CSMD1: variants seen among roughly 807,000 people sequenced by gnomAD.
The protein encoded by CSMD1 is CUB and Sushi multiple domains 1, also known as CUB and sushi domain-containing protein 1.
Under a neutral mutation model 417.5 loss-of-function variants are expected in CSMD1, and 213 were observed. The observed-to-expected ratio is 0.51, with a 90% CI of 0.46 to 0.57. CSMD1 has a LOEUF of 0.57. Among genes scored for constraint, CSMD1 ranks in the 20% least tolerant of loss-of-function variants. The pLI, the probability that CSMD1 is intolerant of heterozygous loss-of-function variation, is 0.00. For synonymous variants in CSMD1, 2,862 were observed against 1,736.8 expected (o/e 1.65, Z -16.11); for missense variants, 6,923 against 4,529.7 (o/e 1.53, Z -15.17).
At chr8:4,643,838 G>C (rs936554496) in intron 1 of CSMD1, among the ~76,000 whole-genome samples, 2 of 152,150 alleles carry the variant, frequency 1.3e-5, no homozygotes, top group East Asian at 1.9e-4. Flanking sequence ...CGGGGACTTC[G>C]ATTAAGGGTT....
At chr8:4,540,361 C>G (rs1469940779) in intron 2 of CSMD1, among the ~76,000 whole-genome samples, 2 of 152,060 alleles carry the variant, frequency 1.3e-5, no homozygotes, top group Non-Finnish European at 2.9e-5. Context: ...TCCCCCAAAA[C>G]TGGTGAAATA....
At chr8:4,119,426 T>C (rs1474328765) in intron 3 of CSMD1, among the ~76,000 whole-genome samples, 1 of 152,324 alleles carries the variant, frequency 6.6e-6, no homozygotes, top group South Asian at 2.1e-4. Flanking sequence ...AGTCACAGGA[T>C]GATATTGATG....
At chr8:4,228,609 A>C (rs1195675899) in intron 3 of CSMD1, among the ~76,000 whole-genome samples, 8 of 102,540 alleles carry the variant, frequency 7.8e-5, no homozygotes, top group Admixed American at 9.8e-5. Context: ...TTTTTTTCCT[A>C]CCCTCACTTC....
intron 11 of CSMD1, among the ~76,000 whole-genome samples, chr8:3,480,434 A>C (rs1340458927): frequency 6.6e-6 from 1 of 152,000 alleles, no homozygotes; most frequent in Non-Finnish European, 1.5e-5. Flanking sequence ...AAAACAAAAC[A>C]AATACACATA....
chr8:3,882,852 G>A (rs1417181555), intron 5 of CSMD1, among the ~76,000 whole-genome samples: 1 of 152,158 alleles, frequency 6.6e-6, no homozygotes, highest in Non-Finnish European at 1.5e-5. Context: ...CAGAAGCCAA[G>A]AGAATGGCTA....
At chr8:3,547,684 G>C (rs922516359) in intron 10 of CSMD1, among the ~76,000 whole-genome samples, 3 of 152,050 alleles carry the variant, frequency 2.0e-5, no homozygotes, top group Admixed American at 6.6e-5. Context: ...CCTTTCTTTG[G>C]AGTTAAATCT....
chr8:4,761,358 A>C (rs1404479736), intron 1 of CSMD1, among the ~76,000 whole-genome samples: 1 of 144,466 alleles, frequency 6.9e-6, no homozygotes, highest in African/African-American at 2.6e-5. Flanking sequence ...TACATCTTGA[A>C]ATCGTGTTAC....
chr8:4,064,865 A>ATG (rs1799163941), intron 3 of CSMD1, among the ~76,000 whole-genome samples: 1 of 152,078 alleles, frequency 6.6e-6, no homozygotes, highest in Non-Finnish European at 1.5e-5. Context: ...TGTGTTTGTA[A>ATG]TGTGTGTATC....
At chr8:4,146,877 C>T (rs1326748546) in intron 3 of CSMD1, among the ~76,000 whole-genome samples, 3 of 144,754 alleles carry the variant, frequency 2.1e-5, no homozygotes, top group South Asian at 2.1e-4. Flanking sequence ...CCCAAAGTGC[C>T]GGCGTGATTA....
chr8:3,013,890 G>A (rs1012577022), intron 52 of CSMD1, among the ~76,000 whole-genome samples: 4 of 152,080 alleles, frequency 2.6e-5, no homozygotes, highest in Admixed American at 1.3e-4. Flanking sequence ...ATTCCTGGGC[G>A]AACAGAGGAT....
In CSMD1 at chr8:3,199,727, G is replaced by C. The variant is rs751770464; in HGVS notation, c.5181C>G (p.His1727Gln). The change falls in exon 33 of 70, where the codon CAC (histidine) becomes CAG (glutamine). Residue 1727 changes from histidine to glutamine, a missense_variant. Coordinates refer to ENST00000635120, the MANE Select transcript of CSMD1 (RefSeq NM_033225.6). ...AGTGACGCTTACCTTGATACACGAA[G>C]TGGAAGCCGCGGGCAGAGGCACCGC... ...AKSGASARGFHFVYQAVPRTS... is the reference protein window; with the variant it reads ...AKSGASARGFQFVYQAVPRTS... 14 of 1,586,046 alleles carry C rather than the reference G, an allele frequency of 8.8e-6. No individual in the cohort carries two copies. The highest frequency in any genetic ancestry group is 1.2e-5 in the Non-Finnish European group (14 of 1,165,634).
chr8:3,761,457 C>G (rs1291660401), intron 5 of CSMD1, among the ~76,000 whole-genome samples: 1 of 150,252 alleles, frequency 6.7e-6, no homozygotes, highest in African/African-American at 2.4e-5. Context: ...AAAACTGTAC[C>G]ACAGAAGAGT....
intron 7 of CSMD1, among the ~76,000 whole-genome samples, chr8:3,658,165 A>C (rs1190941948): frequency 1.3e-5 from 2 of 152,248 alleles, no homozygotes; most frequent in East Asian, 3.9e-4. Flanking sequence ...TCAGAATGTA[A>C]CTCCAGAAGA....
intron 23 of CSMD1, among the ~76,000 whole-genome samples, chr8:3,339,334 T>A (rs1389900514): frequency 6.6e-6 from 1 of 152,106 alleles, no homozygotes; most frequent in Non-Finnish European, 1.5e-5. Flanking sequence ...TTTAAAGATG[T>A]TCCTGACTAT....
intron 33 of CSMD1, among the ~76,000 whole-genome samples, chr8:3,196,805 G>T (rs1307568617): frequency 6.6e-6 from 1 of 152,140 alleles, no homozygotes; most frequent in Non-Finnish European, 1.5e-5. Flanking sequence ...AGTGAGTTGT[G>T]AGAGTTTCAT....
intron 4 of CSMD1, among the ~76,000 whole-genome samples, chr8:4,007,656 G>T (rs1196414648): frequency 2.0e-5 from 3 of 151,898 alleles, no homozygotes; most frequent in Non-Finnish European, 4.4e-5. Flanking sequence ...GAGGCGGCCT[G>T]ATAGAAGTAT....
intron 37 of CSMD1, among the ~76,000 whole-genome samples, chr8:3,170,444 G>C (rs557614394): frequency 6.6e-6 from 1 of 152,116 alleles, no homozygotes; most frequent in African/African-American, 2.4e-5. Flanking sequence ...TCCTGACCTT[G>C]TCATCCGCCC....
intron 11 of CSMD1, among the ~76,000 whole-genome samples, chr8:3,479,722 C>A (rs985534947): frequency 3.3e-5 from 5 of 152,034 alleles, no homozygotes; most frequent in African/African-American, 1.2e-4. Flanking sequence ...ACAATCATCA[C>A]ACCAAGAGCC....
chr8:3,371,660 T>G (rs766657909), intron 18 of CSMD1, among the ~76,000 whole-genome samples: 1 of 152,188 alleles, frequency 6.6e-6, no homozygotes, highest in Non-Finnish European at 1.5e-5. Flanking sequence ...ACAAAAGAAT[T>G]AGATAATCTA....
Sources: gnomAD v4.1 joint callset for allele counts (sites outside exome capture counted in the v4.1 genomes callset) on GRCh38, gnomAD v4.1.1 for gene constraint, MANE v1.5 for transcripts, NCBI Gene and HGNC (gene_info 2026-07-23, HGNC 2026-07-21) for gene names.